The following SLC9A3 variants were observed in gnomAD, a reference collection of about 807,000 sequenced individuals.
SLC9A3 encodes sodium/hydrogen exchanger 3.
In SLC9A3, 37 loss-of-function variants were observed where a neutral mutation model predicts 86.8. The observed-to-expected ratio is 0.43, with a 90% confidence interval of 0.33 to 0.56. SLC9A3 has a LOEUF of 0.56. Ranked by LOEUF, SLC9A3 falls within the 20% of genes least tolerant of loss-of-function variation. The pLI is 0.06. For synonymous variants in SLC9A3, 581 were observed against 528.3 expected (o/e 1.10, Z -1.37); for missense variants, 1,011 against 1,171.9 (o/e 0.86, Z 2.00).
In SLC9A3 at chr5:485,183, C is replaced by A; in HGVS notation, c.724G>T (p.Val242Leu). ...ESFVALGGDN[V>L]TGVDCVKGIV... ...CCCTTCACGCAGTCCACGCCAGTCA[C>A]GTTGTCACCTCCCAGCGCCACGAAA... is the stretch of plus-strand genomic sequence containing the variant. The change falls in exon 4 of 17, where the codon GTG (valine) becomes TTG (leucine). Residue 242 changes from valine to leucine, a missense_variant. Physicochemically the swap from Val to Leu is conservative, Grantham distance 32. Coordinates refer to ENST00000264938, the MANE Select transcript of SLC9A3 (RefSeq NM_004174.4). The A allele has an allele frequency of 6.2e-7, 1 of 1,613,934 alleles. No homozygotes were observed. The highest frequency in any genetic ancestry group is 8.5e-7 in the Non-Finnish European group (1 of 1,179,990).
At chr5:503,800 C>G (rs1405998020) in intron 1 of SLC9A3, among the ~76,000 whole-genome samples, 6 of 152,246 alleles carry the variant, frequency 3.9e-5, no homozygotes, top group Admixed American at 3.9e-4. Flanking sequence ...TCTTCTTGTT[C>G]CATGAAATGG....
chr5:523,387 C>T (rs1733942008), intron 1 of SLC9A3, among the ~76,000 whole-genome samples: 1 of 152,104 alleles, frequency 6.6e-6, no homozygotes, highest in African/African-American at 2.4e-5. Context: ...CCTGGCCCCA[C>T]TCGGGCCCCC....
chr5:488,269 G>A lies in SLC9A3; in HGVS notation c.675+47C>T, dbSNP rs1228859796. On this transcript the variant is annotated intron_variant, in intron 3 of 16. Transcript: ENST00000264938. Reference sequence around the variant, plus strand: ...CCGATGGGGGGTGAGACGGGGCCCAGGCCTCCCACGGCTCGCCCGCTCTGG... The same window carrying A: ...CCGATGGGGGGTGAGACGGGGCCCAAGCCTCCCACGGCTCGCCCGCTCTGG... 5 of 1,601,440 alleles carry A rather than the reference G, an allele frequency of 3.1e-6. No homozygotes were observed. In the African/African-American group the frequency reaches 4.0e-5, roughly 13 times the overall value.
At chr5:504,296 C>T (rs11134082) in intron 1 of SLC9A3, among the ~76,000 whole-genome samples, 55,855 of 151,908 alleles carry the variant, frequency 0.37, 10,676 homozygotes, top group African/African-American at 0.43. Context: ...CCCCGCGTCC[C>T]GTGACCCACC....
At position 524,301 on chromosome 5, in the gene SLC9A3, C is replaced by A; in HGVS notation, c.22G>T (p.Gly8Cys). The A allele has an allele frequency of 7.8e-7, 1 of 1,287,750 alleles. No homozygotes were observed. Among genetic ancestry groups the A allele is most frequent in the Non-Finnish European group, 9.9e-7 (1 of 1,014,536 alleles). 79.8% of individuals were successfully genotyped at this position (1,287,750 alleles called of 1,614,324 possible). MWGLGAR[G>C]PDRGLLLALA... ...GCCAGCAGCAGCCCCCGGTCGGGGC[C>A]CCGGGCCCCGAGTCCCCACATTGCC... The change falls in exon 1 of 17, where the codon GGC (glycine) becomes TGC (cysteine). Residue 8 changes from glycine (G) to cysteine (C), a missense_variant. Gly to Cys is a radical substitution (Grantham distance 159). Around this residue, in one of 3 missense-constraint regions of SLC9A3, gnomAD observed 49 missense variants for 35.6 expected, o/e 1.38. Transcript: ENST00000264938.
chr5:474,079 G>A (rs114213150), intron 16 of SLC9A3, among the ~76,000 whole-genome samples: 3,205 of 152,328 alleles, frequency 0.021, 116 homozygotes, highest in African/African-American at 0.071. Context: ...GGAGGAAGAG[G>A]GGCTGCTGGA....
intron 11 of SLC9A3, chr5:477,107 A>G: frequency 1.9e-6 from 1 of 523,718 alleles, no homozygotes; most frequent in Non-Finnish European, 3.4e-6. Context: ...CCTGGCCCCC[A>G]GTCCGCTGCT....
chr5:517,157 A>G (rs376444697), intron 1 of SLC9A3, among the ~76,000 whole-genome samples: 1 of 151,390 alleles, frequency 6.6e-6, no homozygotes. Flanking sequence ...CCATTTACTC[A>G]TCCATTCACC....
Position 491,116 on chromosome 5 carries a change from G to A in SLC9A3, c.514+653C>T, listed in dbSNP as rs1315105066. On this transcript the variant is annotated intron_variant, in intron 2 of 16. Coordinates refer to ENST00000264938, the MANE Select transcript of SLC9A3 (RefSeq NM_004174.4). This position sits in a 1 kb window ranked among gnomAD's most constrained non-coding sequence, Gnocchi z 9.2. ...AGACCGGTGAGGGCGGCAGGTGCCG[G>A]AGGCCTGCGCTCAGCCGTGGGGCCC... is the stretch of plus-strand genomic sequence containing the variant. Among the ~76,000 whole-genome samples the A allele has an allele frequency of 1.3e-5, 2 of 152,236 alleles. No individual in the cohort carries two copies. The highest frequency in any genetic ancestry group is 2.9e-5 in the Non-Finnish European group (2 of 68,034).
At position 470,533 on chromosome 5, in the gene SLC9A3, A is replaced by C. The variant is rs984370836; in HGVS notation, c.*2846T>G. The C allele has an allele frequency of 6.6e-6, 1 of 152,366 alleles. No homozygotes were observed. The highest frequency in any genetic ancestry group is 2.4e-5 in the African/African-American group (1 of 41,452). The allele number at this position is 152,366 out of a possible 1,614,324, so 9.4% of individuals were successfully genotyped here. A position where few individuals can be genotyped will look rare whatever the true frequency, so the allele number is the denominator to read the frequency against. On this transcript the variant is annotated 3_prime_UTR_variant, in exon 17 of 17. Coordinates refer to ENST00000264938, the MANE Select transcript of SLC9A3 (RefSeq NM_004174.4). The stretch of plus-strand genomic sequence containing the variant: ...AATGCCTTGAAATGTTTTTAATAGA[A>C]TTGGTCTAGTAATCGTTCAGGATTT...
rs745868935 is a variant in SLC9A3, at chr5:476,684, C to T, written c.1761-12G>A. ...TGACATTTTCTCTCCTGCGTGGGGA[C>T]CAGCGCTGAGCCATACAGGCTCCCT... On this transcript the variant is annotated splice_polypyrimidine_tract_variant and intron_variant, in intron 11 of 16. Transcript: ENST00000264938. 1.2e-6 allele frequency: 2 copies of T among 1,601,246 alleles called. No homozygotes were observed. Among genetic ancestry groups the T allele is most frequent in the Admixed American group, 3.3e-5 (2 of 60,016 alleles).
Position 482,069 on chromosome 5 carries a change from C to T in SLC9A3, c.1445G>A (p.Arg482His), listed in dbSNP as rs764584514. Residue 482 changes from arginine (R) to histidine (H), a missense_variant and splice_region_variant, in exon 8 of 17, where the codon CGC becomes CAC. Transcript: ENST00000264938. ...EPRLNEKLHG[R>H]AFDHILSAIE... ...CCCGCCCCCCAGCCCCGCACTTACG[C>T]GCCCGTGCAGCTTCTCGTTGAGCCG... 2.6e-6 allele frequency: 4 copies of T among 1,514,854 alleles called. No homozygotes were observed. The highest frequency in any genetic ancestry group is 2.7e-6 in the Non-Finnish European group (3 of 1,106,458). 93.8% of individuals were successfully genotyped at this position (1,514,854 alleles called of 1,614,324 possible).
intron 9 of SLC9A3, 56 bp downstream of exon 9, chr5:481,509 G>A (rs1019294954): frequency 7.1e-7 from 1 of 1,400,748 alleles, no homozygotes; most frequent in Admixed American, 1.7e-5. Flanking sequence ...TCCGAGTGGA[G>A]GATGTTTCCA....
In SLC9A3 at chr5:497,799, GT is replaced by G. The variant is rs1647127504; in HGVS notation, c.212-5729del. Among the ~76,000 whole-genome samples the G allele has an allele frequency of 8.0e-5, 3 of 37,540 alleles. No individual in the cohort carries two copies. Among genetic ancestry groups the G allele is most frequent in the African/African-American group, 2.9e-4 (3 of 10,340 alleles). The allele number at this position is 37,540 out of a possible 152,430, so 24.6% of individuals were successfully genotyped here. A position where few individuals can be genotyped will look rare whatever the true frequency, so the allele number is the denominator to read the frequency against. On this transcript the variant is annotated intron_variant, in intron 1 of 16. Transcript: ENST00000264938. The surrounding 1 kb of genome is among the most constrained non-coding windows in gnomAD (Gnocchi z 5.4). ...GGCCGCATCCCCAGCCTCTGCCCCT[GT>G]CCCGGGTGGGGTCGCCCGGCCGCAT...
intron 4 of SLC9A3, 31 bp downstream of exon 4, chr5:485,122 C>A: frequency 6.5e-7 from 1 of 1,549,038 alleles, no homozygotes; most frequent in Non-Finnish European, 8.9e-7. Context: ...GAGACACGGC[C>A]GCCCACTCCC....
Position 491,882 on chromosome 5 carries a change from C to T in SLC9A3, c.401G>A (p.Arg134His), listed in dbSNP as rs1274645242. The change falls in exon 2 of 17, where the codon CGC becomes CAC. Residue 134 changes from arginine to histidine, a missense_variant. Transcript: ENST00000264938. This position sits in a 1 kb window ranked among gnomAD's most constrained non-coding sequence, Gnocchi z 9.2. ...VLDAGYFMPN[R>H]LFFGNLGTIL... ...GGTCCCCAGGTTGCCGAAGAAGAGG[C>T]GGTTGGGCATGAAGTAGCCGGCGTC... 2.5e-6 allele frequency: 4 copies of T among 1,610,610 alleles called. No homozygotes were observed. Among genetic ancestry groups the T allele is most frequent in the East Asian group, 2.2e-5 (1 of 44,690 alleles).
intron 1 of SLC9A3, among the ~76,000 whole-genome samples, chr5:492,573 G>T (rs1739830344): frequency 1.3e-5 from 2 of 152,156 alleles, no homozygotes; most frequent in Admixed American, 1.3e-4. Flanking sequence ...GAGTGCAGGG[G>T]CAGCTGCTGG....
Position 472,360 on chromosome 5 carries a change from C to T in SLC9A3, c.*1019G>A. 6.0e-6 allele frequency: 2 copies of T among 334,754 alleles called. No homozygotes were observed. The highest frequency in any genetic ancestry group is 1.2e-5 in the Non-Finnish European group (2 of 171,648). 20.7% of individuals were successfully genotyped at this position (334,754 alleles called of 1,614,324 possible). A position where few individuals can be genotyped will look rare whatever the true frequency, so the allele number is the denominator to read the frequency against. ...GGTAGGGGGGCGGTGCCCTGGGCCC[C>T]TCCATGCCCCCTGGTTTGTTAAGGG... On this transcript the variant is annotated 3_prime_UTR_variant, in exon 17 of 17. Coordinates refer to ENST00000264938, the MANE Select transcript of SLC9A3 (RefSeq NM_004174.4).
chr5:502,171 G>A (rs1218831281), intron 1 of SLC9A3, among the ~76,000 whole-genome samples: 1 of 152,246 alleles, frequency 6.6e-6, no homozygotes, highest in Admixed American at 6.5e-5. Flanking sequence ...ACCACCCTGA[G>A]CAACCGCGCT....
Sources: gnomAD v4.1 joint callset for allele counts (sites outside exome capture counted in the v4.1 genomes callset) on GRCh38, gnomAD v4.1.1 for gene constraint, gnomAD v4.1.1 regional missense constraint, Gnocchi (gnomAD v3.1) non-coding constraint, MANE v1.5 for transcripts, NCBI Gene and HGNC (gene_info 2026-07-23, HGNC 2026-07-21) for gene names.